The following EIF2AK4 variants were observed in gnomAD, a reference collection of about 807,000 sequenced individuals.
EIF2AK4 encodes eukaryotic translation initiation factor 2 alpha kinase 4.
EIF2AK4 carries 139 observed loss-of-function variants against 211.1 expected under a neutral mutation model. That is an observed-to-expected ratio of 0.66 (90% CI 0.57 to 0.76). The LOEUF (loss-of-function observed/expected upper bound fraction) is 0.76, where lower values mean the gene tolerates loss of function less well. Among genes scored for constraint, EIF2AK4 ranks in the 30% least tolerant of loss-of-function variants. The pLI, the probability that EIF2AK4 is intolerant of heterozygous loss-of-function variation, is 0.00. For synonymous variants in EIF2AK4, 710 were observed against 751.3 expected, an observed-to-expected ratio of 0.94 and a Z score of 0.90; for missense variants, 1,664 against 2,043.8, an observed-to-expected ratio of 0.81 and a Z score of 3.58.
At chr15:39,956,159 C>T (rs1199795384) in intron 6 of EIF2AK4, among the ~76,000 whole-genome samples, 1 of 152,034 alleles carries the variant, frequency 6.6e-6, no homozygotes, top group African/African-American at 2.4e-5. Context: ...GCATGTGCCA[C>T]CACACCTGGC....
At chr15:39,948,992 A>G (rs955299440) in intron 3 of EIF2AK4, 124 bp from the exon 4 acceptor site, 24 of 1,164,592 alleles carry the variant, frequency 2.1e-5, no homozygotes, top group Middle Eastern at 2.0e-4. Flanking sequence ...TGTCATATCA[A>G]AATGAATAAT....
chr15:40,003,563 G>T (rs2035121529), intron 23 of EIF2AK4, among the ~76,000 whole-genome samples: 1 of 152,190 alleles, frequency 6.6e-6, no homozygotes, highest in Non-Finnish European at 1.5e-5. Context: ...CATTGCAGGT[G>T]CCACATGTGC....
chr15:40,014,903 G>A (rs549003083), intron 27 of EIF2AK4, among the ~76,000 whole-genome samples: 3 of 152,210 alleles, frequency 2.0e-5, no homozygotes, highest in Admixed American at 2.0e-4. Flanking sequence ...TATTCTGCCA[G>A]GTACCCAAAA....
intron 18 of EIF2AK4, 98 bp from the exon 19 acceptor site, chr15:39,996,866 C>T: frequency 1.1e-6 from 1 of 881,550 alleles, no homozygotes; most frequent in Non-Finnish European, 1.9e-6. Flanking sequence ...TGTACTCCTA[C>T]AAACTTTATT....
chr15:40,006,877 T>C, intron 23 of EIF2AK4, 139 bp from the exon 24 acceptor site: 2 of 626,156 alleles, frequency 3.2e-6, no homozygotes, highest in Non-Finnish European at 5.6e-6. Flanking sequence ...GTGCATAACT[T>C]AGTGAATACA....
At chr15:39,946,098 G>C (rs1346000351) in intron 3 of EIF2AK4, among the ~76,000 whole-genome samples, 1 of 152,202 alleles carries the variant, frequency 6.6e-6, no homozygotes, top group Admixed American at 6.5e-5. Flanking sequence ...ATGGATGAAG[G>C]AGTAATTTTG....
At chr15:40,017,997 G>T (rs1221233485) in intron 29 of EIF2AK4, among the ~76,000 whole-genome samples, 2 of 151,964 alleles carry the variant, frequency 1.3e-5, no homozygotes, top group African/African-American at 2.4e-5. Context: ...AGATTTATGG[G>T]TATCAACATC....
chr15:39,976,800 C>A lies in EIF2AK4; in HGVS notation c.2205C>A (p.Asp735Glu). 6.3e-7 allele frequency: 1 copy of A among 1,575,440 alleles called. No individual in the cohort carries two copies. Among genetic ancestry groups the A allele is most frequent in the African/African-American group, 1.4e-5 (1 of 72,304 alleles). ...GCCCGGGCTCCAGCGATGACGAGGACGACGACGAGGACGAGCACGGTGGCG... is the reference window on the plus strand; with the variant it reads ...GCCCGGGCTCCAGCGATGACGAGGAAGACGACGAGGACGAGCACGGTGGCG... ...ATGPGSSDDE[D>E]DDEDEHGGVF... Residue 735 changes from aspartate to glutamate, a missense_variant, in exon 12 of 39, where the codon GAC (aspartate) becomes GAA (glutamate). Coordinates refer to ENST00000263791, the MANE Select transcript of EIF2AK4 (RefSeq NM_001013703.4).
At chr15:39,959,555 G>A (rs2034438483) in intron 6 of EIF2AK4, among the ~76,000 whole-genome samples, 1 of 152,096 alleles carries the variant, frequency 6.6e-6, no homozygotes. Context: ...CACTCATTGT[G>A]TTTGTACTTA....
At chr15:39,934,830 C>T (rs567070734) in intron 1 of EIF2AK4, among the ~76,000 whole-genome samples, 3 of 152,310 alleles carry the variant, frequency 2.0e-5, no homozygotes, top group South Asian at 2.1e-4. Context: ...CTCTGTACTC[C>T]CCAGGCATCC....
At chr15:39,981,311 A>T (rs898304139) in intron 13 of EIF2AK4, among the ~76,000 whole-genome samples, 3 of 152,142 alleles carry the variant, frequency 2.0e-5, no homozygotes. Flanking sequence ...CAGAGGTTAC[A>T]GTGAGCCCAG....
rs1042214582 is a variant in EIF2AK4, at chr15:40,030,515, C to T, written c.4659+59C>T. 13 of 1,458,200 alleles carry T rather than the reference C, an allele frequency of 8.9e-6. No homozygotes were observed. The African/African-American group carries it at 1.3e-4, about 14-fold the overall frequency. The allele number at this position is 1,458,200 out of a possible 1,614,324, so 90.3% of individuals were successfully genotyped here. A position where few individuals can be genotyped will look rare whatever the true frequency, so the allele number is the denominator to read the frequency against. On this transcript the variant is annotated intron_variant, in intron 35 of 38. Transcript: ENST00000263791. Reference sequence around the variant, plus strand: ...TATGAGTTACAGAAGAGAAAAACAACAACAGGAAAGGAAAATAAGATAAAC... The same window carrying T: ...TATGAGTTACAGAAGAGAAAAACAATAACAGGAAAGGAAAATAAGATAAAC...
In EIF2AK4 at chr15:40,004,727, T is replaced by C. The variant is rs28893849; in HGVS notation, c.3357+1413T>C. On this transcript the variant is annotated intron_variant, in intron 23 of 38. Coordinates refer to ENST00000263791, the MANE Select transcript of EIF2AK4 (RefSeq NM_001013703.4). Reference sequence around the variant, plus strand: ...CTGTCTCAAAAAGAAAATTTAAAAATTTTTTTTTGTAGAAACGGGCTCTCG... The same window carrying C: ...CTGTCTCAAAAAGAAAATTTAAAAACTTTTTTTTGTAGAAACGGGCTCTCG... 9.7e-3 allele frequency among the ~76,000 whole-genome samples: 1,476 copies of C among 151,748 alleles called. 15 individuals carry two copies. Among genetic ancestry groups the C allele is most frequent in the African/African-American group, 0.034 (1,403 of 41,382 alleles).
rs545409911 is a variant in EIF2AK4, at chr15:39,998,266, T to G, written c.2869-465T>G. On this transcript the variant is annotated intron_variant, in intron 19 of 38. Transcript: ENST00000263791. Reference sequence around the variant, plus strand: ...TTGGTATATGGGTGTGGTTTTTTTTTTTTGTTTTGTTTTTTTTTGCCTTTT... The same window carrying G: ...TTGGTATATGGGTGTGGTTTTTTTTGTTTGTTTTGTTTTTTTTTGCCTTTT... Among the ~76,000 whole-genome samples, 1,118 of 122,590 alleles carry G rather than the reference T, an allele frequency of 9.1e-3. 20 individuals carry two copies. The highest frequency in any genetic ancestry group is 0.029 in the African/African-American group (1,078 of 37,636). The allele number at this position is 122,590 out of a possible 152,430, so 80.4% of individuals were successfully genotyped here. A position where few individuals can be genotyped will look rare whatever the true frequency, so the allele number is the denominator to read the frequency against.
chr15:39,949,374 C>T, intron 4 of EIF2AK4, 106 bp downstream of exon 4: 1 of 1,474,576 alleles, frequency 6.8e-7, no homozygotes, highest in Non-Finnish European at 9.1e-7. Context: ...AAGTTTTGCT[C>T]AGCCTTTGAT....
intron 13 of EIF2AK4, among the ~76,000 whole-genome samples, chr15:39,981,386 C>T (rs1008242123): frequency 4.0e-5 from 6 of 151,790 alleles, no homozygotes; most frequent in Non-Finnish European, 7.4e-5. Context: ...AAAAAAAAGT[C>T]TGAACTACTG....
rs559711779 is a variant in EIF2AK4 at position 39,974,429 on chromosome 15, C to T, written c.1818+680C>T. ...TTCACATATGAAGGTAACCCACCATCAACTGAGTATATTGTCTGTTAAGGA... is the reference window on the plus strand; with the variant it reads ...TTCACATATGAAGGTAACCCACCATTAACTGAGTATATTGTCTGTTAAGGA... On this transcript the variant is annotated intron_variant, in intron 11 of 38. Coordinates refer to ENST00000263791, the MANE Select transcript of EIF2AK4 (RefSeq NM_001013703.4). 3.9e-5 allele frequency: 6 copies of T among 152,290 alleles called. No homozygotes were observed. The South Asian group carries it at 1.2e-3, about 32-fold the overall frequency. 9.4% of individuals were successfully genotyped at this position (152,290 alleles called of 1,614,324 possible). A position where few individuals can be genotyped will look rare whatever the true frequency, so the allele number is the denominator to read the frequency against.
rs780445467 is a variant in EIF2AK4, at chr15:39,973,765, A to G, written c.1818+16A>G. The G allele has an allele frequency of 3.1e-6, 5 of 1,613,546 alleles. No homozygotes were observed. The highest frequency in any genetic ancestry group is 4.2e-6 in the Non-Finnish European group (5 of 1,179,734). ...TGTCATCAAGGTGTGGTACAGAGTC[A>G]TTCCCAGTCCCCTTTAGAGCTCCTT... On this transcript the variant is annotated intron_variant, in intron 11 of 38. Coordinates refer to ENST00000263791, the MANE Select transcript of EIF2AK4 (RefSeq NM_001013703.4).
intron 4 of EIF2AK4, among the ~76,000 whole-genome samples, chr15:39,952,058 A>G (rs2034325662): frequency 6.6e-6 from 1 of 152,004 alleles, no homozygotes; most frequent in Non-Finnish European, 1.5e-5. Flanking sequence ...TTCATCTTCC[A>G]TTGTTTTTGT....
Sources: gnomAD v4.1 joint callset for allele counts (sites outside exome capture counted in the v4.1 genomes callset) on GRCh38, gnomAD v4.1.1 for gene constraint, MANE v1.5 for transcripts, NCBI Gene and HGNC (gene_info 2026-07-23, HGNC 2026-07-21) for gene names.